Variants in ROCK1 observed in about 807,000 individuals in gnomAD.
ROCK1 encodes rho-associated protein kinase 1.
In ROCK1, 36 loss-of-function variants were observed where a neutral mutation model predicts 196.8. The ratio of observed to expected loss-of-function variants is 0.18; its 90% CI spans 0.14 to 0.24. The LOEUF (loss-of-function observed/expected upper bound fraction) is 0.24. Among genes scored for constraint, ROCK1 ranks in the 10% least tolerant of loss-of-function variants. The pLI is 1.00. For synonymous variants in ROCK1, 443 were observed against 515.9 expected (o/e 0.86, Z 1.91); for missense variants, 920 against 1,562.0 (o/e 0.59, Z 6.93).
chr18:21,009,000 T>C (rs2035792204), intron 13 of ROCK1, among the ~76,000 whole-genome samples: 1 of 152,146 alleles, frequency 6.6e-6, no homozygotes, highest in Non-Finnish European at 1.5e-5. Context: ...GATACAGAAC[T>C]GGTCATCACA....
chr18:20,987,583 C>T (rs757504276), intron 18 of ROCK1, among the ~76,000 whole-genome samples: 1 of 152,142 alleles, frequency 6.6e-6, no homozygotes, highest in Non-Finnish European at 1.5e-5. Flanking sequence ...CAGTAGTATA[C>T]CTCTTTTAAT....
intron 29 of ROCK1, among the ~76,000 whole-genome samples, chr18:20,955,999 T>C (rs1279813245): frequency 2.6e-5 from 4 of 152,210 alleles, no homozygotes; most frequent in African/African-American, 4.8e-5. Flanking sequence ...TGTGATGGAA[T>C]TGTTCTGTAT....
chr18:20,992,874 C>T lies in ROCK1; in HGVS notation c.1949G>A (p.Gly650Glu). Reference protein sequence around the residue: ...HLKHNLEKVEGERKEAQDMLN... With the variant: ...HLKHNLEKVEEERKEAQDMLN... ...CATGTCTTGAGCCTCTTTTCTTTCTCCTTCCACTTTTTCGAGATTATGTTT... is the reference window on the plus strand; with the variant it reads ...CATGTCTTGAGCCTCTTTTCTTTCTTCTTCCACTTTTTCGAGATTATGTTT... Residue 650 changes from glycine to glutamate, a missense_variant, in exon 17 of 33, where the codon GGA becomes GAA. Around this residue, in one of 6 missense-constraint regions of ROCK1, gnomAD observed 520 missense variants for 657.1 expected, o/e 0.79. Coordinates refer to ENST00000399799, the MANE Select transcript of ROCK1 (RefSeq NM_005406.3). The T allele has an allele frequency of 1.2e-6, 2 of 1,612,364 alleles. No homozygotes were observed. Among genetic ancestry groups the T allele is most frequent in the Non-Finnish European group, 1.7e-6 (2 of 1,178,886 alleles).
At chr18:21,099,454 C>T (rs1349949424) in intron 1 of ROCK1, among the ~76,000 whole-genome samples, 3 of 152,104 alleles carry the variant, frequency 2.0e-5, no homozygotes, top group African/African-American at 4.8e-5. Flanking sequence ...TTTTAAACCA[C>T]GTAAATGGGC....
rs1341205742 is a variant in ROCK1 at position 21,042,758 on chromosome 18, T to C, written c.676-49A>G. The C allele has an allele frequency of 3.3e-6, 5 of 1,534,826 alleles. No individual in the cohort carries two copies. The Admixed American group carries it at 1.0e-4, about 32-fold the overall frequency. ...TTTGAATTAGGATATAAAGTCTCAA[T>C]TATTTAAAATGACTTTCTTATTAAT... On this transcript the variant is annotated intron_variant, in intron 6 of 32. Coordinates refer to ENST00000399799, the MANE Select transcript of ROCK1 (RefSeq NM_005406.3).
intron 22 of ROCK1, 98 bp downstream of exon 22, chr18:20,979,812 C>T: frequency 2.2e-6 from 3 of 1,363,802 alleles, no homozygotes; most frequent in Non-Finnish European, 2.9e-6. Context: ...GTGTTCTATA[C>T]CATTCCCACC....
chr18:21,023,737 T>C, intron 10 of ROCK1, 57 bp from the exon 11 acceptor site: 2 of 916,342 alleles, frequency 2.2e-6, no homozygotes, highest in East Asian at 5.2e-5. Flanking sequence ...TAATATCCCA[T>C]GACAACCAAT....
chr18:21,066,900 C>G (rs1391610709), intron 2 of ROCK1, among the ~76,000 whole-genome samples: 1 of 152,176 alleles, frequency 6.6e-6, no homozygotes, highest in Non-Finnish European at 1.5e-5. Context: ...TAATACAGCT[C>G]TTTGTGCAGA....
In ROCK1 at chr18:20,960,158, T is replaced by C; in HGVS notation, c.3401A>G (p.Lys1134Arg). ...WLSVPNRGNI[K>R]RYGWKKQYVV... ...TACCTGTTTCTTCCAGCCATATCGTTTGATATTTCCTCTATTTGGTACTGA... is the reference window on the plus strand; with the variant it reads ...TACCTGTTTCTTCCAGCCATATCGTCTGATATTTCCTCTATTTGGTACTGA... The change falls in exon 28 of 33, where the codon AAA becomes AGA. Residue 1134 changes from lysine to arginine, a missense_variant. By Grantham distance (26) the Lys-to-Arg change is conservative (BLOSUM62 2). Around this residue, in one of 6 missense-constraint regions of ROCK1, gnomAD observed 116 missense variants for 204.2 expected, o/e 0.57. Transcript: ENST00000399799. 3 of 1,600,808 alleles carry C rather than the reference T, an allele frequency of 1.9e-6. No individual in the cohort carries two copies. Among genetic ancestry groups the C allele is most frequent in the Non-Finnish European group, 2.6e-6 (3 of 1,168,012 alleles).
At chr18:21,013,545 G>A (rs1418140260) in intron 13 of ROCK1, among the ~76,000 whole-genome samples, 1 of 152,182 alleles carries the variant, frequency 6.6e-6, no homozygotes. Context: ...AGAAGGCAGT[G>A]GGAGGGGCAC....
At chr18:21,031,611 A>G (rs2036007869) in intron 9 of ROCK1, among the ~76,000 whole-genome samples, 1 of 150,206 alleles carries the variant, frequency 6.7e-6, no homozygotes, top group Admixed American at 6.6e-5. Context: ...TCTCAAAAAA[A>G]AAAAAAAAAA....
rs929548160 is a variant in ROCK1 at position 20,984,433 on chromosome 18, A to C, written c.2407T>G (p.Leu803Val). 8.1e-6 allele frequency: 13 copies of C among 1,612,970 alleles called. No homozygotes were observed. In the Admixed American group the frequency reaches 1.0e-4, roughly 12 times the overall value. ...ATTTCCTGTTTCATCTGCTTTTCTA[A>C]ACCTTTTAAATTGTCTGCCTCAAAT... ...QAFEADNLKG[L>V]EKQMKQEINT... The change falls in exon 20 of 33, where the codon TTA becomes GTA. Residue 803 changes from leucine to valine, a missense_variant. Coordinates refer to ENST00000399799, the MANE Select transcript of ROCK1 (RefSeq NM_005406.3).
chr18:20,991,375 C>A, intron 17 of ROCK1, 49 bp from the exon 18 acceptor site: 1 of 1,246,942 alleles, frequency 8.0e-7, no homozygotes, highest in Non-Finnish European at 1.1e-6. Context: ...AGAAGGCATG[C>A]ATGTTAGTAA....
intron 9 of ROCK1, among the ~76,000 whole-genome samples, chr18:21,037,882 T>C (rs1227624647): frequency 6.6e-6 from 1 of 152,122 alleles, no homozygotes; most frequent in Non-Finnish European, 1.5e-5. Context: ...GTTCAGTAAA[T>C]AGTTGTTGAC....
chr18:21,078,803 T>C (rs1472206779), intron 1 of ROCK1, among the ~76,000 whole-genome samples: 4 of 152,190 alleles, frequency 2.6e-5, no homozygotes, highest in African/African-American at 9.7e-5. Context: ...TGTTTTTCTC[T>C]TGTACTTCCT....
chr18:20,986,663 C>A (rs1266611452), intron 19 of ROCK1, among the ~76,000 whole-genome samples: 2 of 151,170 alleles, frequency 1.3e-5, no homozygotes, highest in Non-Finnish European at 3.0e-5. Flanking sequence ...CTTTTTTTTT[C>A]TTTAAAGCAG....
intron 1 of ROCK1, among the ~76,000 whole-genome samples, chr18:21,089,892 A>G (rs2036556023): frequency 2.0e-5 from 3 of 152,224 alleles, no homozygotes; most frequent in Admixed American, 6.5e-5. Context: ...ACCATTATTA[A>G]GTCTGAGATT....
At chr18:21,086,592 T>C (rs377754943) in intron 1 of ROCK1, among the ~76,000 whole-genome samples, 4 of 151,060 alleles carry the variant, frequency 2.6e-5, no homozygotes, top group Admixed American at 6.6e-5. Flanking sequence ...ACAAGAAAAA[T>C]AGAATGGGGC....
intron 22 of ROCK1, among the ~76,000 whole-genome samples, chr18:20,977,722 T>G (rs1287202945): frequency 6.6e-6 from 1 of 152,092 alleles, no homozygotes; most frequent in African/African-American, 2.4e-5. Context: ...GATTGAATAT[T>G]TGGCACTTTT....
Sources: gnomAD v4.1 joint callset for allele counts (sites outside exome capture counted in the v4.1 genomes callset) on GRCh38, gnomAD v4.1.1 for gene constraint, gnomAD v4.1.1 regional missense constraint, MANE v1.5 for transcripts, NCBI Gene and HGNC (gene_info 2026-07-23, HGNC 2026-07-21) for gene names.